ZNF143: variants seen among roughly 807,000 people sequenced by gnomAD.
The protein encoded by ZNF143 is zinc finger protein 143.
A neutral mutation model predicts 74.1 loss-of-function variants in ZNF143; 49 were observed. That is an observed-to-expected ratio of 0.66 (90% CI 0.53 to 0.84). The LOEUF is 0.84. Among genes scored for constraint, ZNF143 ranks in the 40% least tolerant of loss-of-function variants. The pLI is 0.00. For missense variants in ZNF143, 637 were observed against 793.4 expected (o/e 0.80, Z 2.37); for synonymous variants, 304 against 282.8 (o/e 1.07, Z -0.75).
intron 1 of ZNF143, among the ~76,000 whole-genome samples, chr11:9,466,807 T>C (rs865924534): frequency 6.6e-6 from 1 of 151,868 alleles, no homozygotes; most frequent in Non-Finnish European, 1.5e-5. Context: ...ACTGAAACGA[T>C]GAGAATATGG....
intron 5 of ZNF143, among the ~76,000 whole-genome samples, chr11:9,475,897 C>CAAA (rs143515065): frequency 1.4e-5 from 2 of 142,822 alleles, no homozygotes; most frequent in African/African-American, 2.7e-5. Flanking sequence ...GACCCTGTCT[C>CAAA]AAAAAAATAT....
chr11:9,494,797 T>A, intron 8 of ZNF143, 32 bp downstream of exon 8: 1 of 1,575,780 alleles, frequency 6.3e-7, no homozygotes, highest in Non-Finnish European at 8.7e-7. Flanking sequence ...TATCTAGTTA[T>A]GAGAATACCT....
At chr11:9,480,755 C>G (rs1847202487) in intron 7 of ZNF143, among the ~76,000 whole-genome samples, 1 of 151,870 alleles carries the variant, frequency 6.6e-6, no homozygotes, top group African/African-American at 2.4e-5. Flanking sequence ...GGTGTGGTGG[C>G]TAGTGCCTAT....
intron 11 of ZNF143, among the ~76,000 whole-genome samples, chr11:9,502,391 C>T (rs1052386879): frequency 2.7e-5 from 4 of 150,546 alleles, no homozygotes; most frequent in South Asian, 4.2e-4. Flanking sequence ...GAGCGGATCA[C>T]GAGGTCAGGA....
intron 5 of ZNF143, among the ~76,000 whole-genome samples, chr11:9,476,348 C>T (rs1483301997): frequency 6.6e-6 from 1 of 151,924 alleles, no homozygotes; most frequent in Non-Finnish European, 1.5e-5. Context: ...ATTGTTACTA[C>T]TTTAGAGAAT....
At chr11:9,507,269 G>A (rs536271217) in intron 11 of ZNF143, among the ~76,000 whole-genome samples, 1 of 152,094 alleles carries the variant, frequency 6.6e-6, no homozygotes, top group Non-Finnish European at 1.5e-5. Flanking sequence ...ACTTTCATAT[G>A]TACATTTTAA....
At chr11:9,498,076 C>T (rs775062207) in intron 10 of ZNF143, among the ~76,000 whole-genome samples, 95 of 152,276 alleles carry the variant, frequency 6.2e-4, no homozygotes, top group Non-Finnish European at 1.2e-3. Context: ...GTGATCCGCC[C>T]GCCTCTGCCT....
intron 3 of ZNF143, 89 bp from the exon 4 acceptor site, chr11:9,473,850 GTA>G: frequency 1.9e-6 from 3 of 1,609,860 alleles, no homozygotes; most frequent in Non-Finnish European, 1.7e-6. Context: ...CTTAAGTTGT[GTA>G]TGTTTTTATA....
chr11:9,475,910 ATGTGTG>A (rs61636956), intron 5 of ZNF143, among the ~76,000 whole-genome samples: 1,415 of 137,372 alleles, frequency 0.01, 26 homozygotes, highest in African/African-American at 0.036. Context: ...AAAAATATAT[ATGTGTG>A]TGTGTGTGTG....
At chr11:9,486,404 AT>A (rs1847513724) in intron 7 of ZNF143, among the ~76,000 whole-genome samples, 1 of 22,390 alleles carries the variant, frequency 4.5e-5, no homozygotes, top group Admixed American at 9.7e-4. Flanking sequence ...ATAATATATT[AT>A]ATATATAATA....
chr11:9,476,746 CTTTTTTTTTTTTTTTT>C (rs869069237), intron 5 of ZNF143, among the ~76,000 whole-genome samples: 6 of 34,854 alleles, frequency 1.7e-4, no homozygotes, highest in South Asian at 4.8e-3. Context: ...AGGGAGGAAT[CTTTTTTTTTTTTTTTT>C]TTTTTTTTTT....
At chr11:9,462,711 C>T (rs1375004739) in intron 1 of ZNF143, among the ~76,000 whole-genome samples, 1 of 151,872 alleles carries the variant, frequency 6.6e-6, no homozygotes, top group East Asian at 1.9e-4. Flanking sequence ...CCCGTCTCTG[C>T]GAAAAATACA....
chr11:9,479,302 G>A (rs779192088), intron 6 of ZNF143, among the ~76,000 whole-genome samples, 170 bp from the exon 7 acceptor site: 4 of 152,026 alleles, frequency 2.6e-5, no homozygotes, highest in Non-Finnish European at 5.9e-5. Flanking sequence ...ACCATGCCCA[G>A]CCTATTATGG....
At chr11:9,484,800 A>ATTT (rs1381085964) in intron 7 of ZNF143, among the ~76,000 whole-genome samples, 5,870 of 66,994 alleles carry the variant, frequency 0.088, 796 homozygotes, top group South Asian at 0.16. Flanking sequence ...CTGGCCAAAG[A>ATTT]TTTTTTTTTT....
intron 13 of ZNF143, among the ~76,000 whole-genome samples, chr11:9,514,229 A>G (rs1247246367): frequency 6.6e-6 from 1 of 152,142 alleles, no homozygotes; most frequent in African/African-American, 2.4e-5. Context: ...CCCCTGTATC[A>G]TCCTCTCATG....
At chr11:9,473,178 G>T (rs929574567) in intron 3 of ZNF143, among the ~76,000 whole-genome samples, 7 of 151,950 alleles carry the variant, frequency 4.6e-5, no homozygotes, top group African/African-American at 1.7e-4. Flanking sequence ...ATCACCTGAG[G>T]TCGGGAGTTC....
chr11:9,527,384 T>C, intron 15 of ZNF143, 146 bp from the exon 16 acceptor site: 1 of 680,730 alleles, frequency 1.5e-6, no homozygotes, highest in African/African-American at 1.8e-5. Context: ...GTTCTCTTAA[T>C]GTTTGAGTTA....
rs57169874 is a variant in ZNF143, at chr11:9,501,925, C to CTTTTT, written c.1147+679_1147+683dup. 1.5e-3 allele frequency among the ~76,000 whole-genome samples: 55 copies of CTTTTT among 37,438 alleles called. 4 individuals are homozygous for CTTTTT. Among genetic ancestry groups the CTTTTT allele is most frequent in the African/African-American group, 2.3e-3 (20 of 8,768 alleles). The allele number at this position is 37,438 out of a possible 152,430, so 24.6% of individuals were successfully genotyped here. A position where few individuals can be genotyped will look rare whatever the true frequency, so the allele number is the denominator to read the frequency against. ...GGGCGGGGTGGTCTATGGATATATT[C>CTTTTT]TTTTTTTTTTTTTTTTTTTTTTTTT... On this transcript the variant is annotated intron_variant, in intron 11 of 15. Transcript: ENST00000396602.
intron 4 of ZNF143, 51 bp from the exon 5 acceptor site, chr11:9,474,499 A>G (rs1341446108): frequency 6.3e-7 from 1 of 1,578,544 alleles, no homozygotes; most frequent in East Asian, 2.2e-5. Flanking sequence ...AAGTGAGTTA[A>G]TTGGAATGTG....
Sources: allele counts gnomAD v4.1 joint callset (sites outside exome capture counted in the v4.1 genomes callset), GRCh38; gene constraint gnomAD v4.1.1; transcripts MANE v1.5; gene names NCBI Gene and HGNC (gene_info 2026-07-23, HGNC 2026-07-21).